FMN1: variants seen among roughly 807,000 people sequenced by gnomAD.
The protein encoded by FMN1 is formin 1, also known as formin-1.
Under a neutral mutation model 132.4 loss-of-function variants are expected in FMN1, and 110 were observed. That is an observed-to-expected ratio of 0.83 (90% CI 0.71 to 0.97). The LOEUF is 0.97. FMN1 is among the 50% of genes least tolerant of loss of function. The probability of loss-of-function intolerance (pLI) is 0.00; values close to 1 mark genes in which losing one functional copy is unlikely to be tolerated. For synonymous variants in FMN1, 722 were observed against 651.7 expected (o/e 1.11, Z -1.64); for missense variants, 1,792 against 1,705.3 (o/e 1.05, Z -0.90).
At chr15:33,141,478 T>G (rs1016422780) in intron 4 of FMN1, among the ~76,000 whole-genome samples, 1 of 152,026 alleles carries the variant, frequency 6.6e-6, no homozygotes, top group African/African-American at 2.4e-5. Context: ...CCCTGGAAAA[T>G]AGACCCTGAA....
chr15:32,896,030 A>G (rs997196415), intron 15 of FMN1, among the ~76,000 whole-genome samples: 2 of 151,988 alleles, frequency 1.3e-5, no homozygotes, highest in Non-Finnish European at 2.9e-5. Context: ...ATTTATTTCT[A>G]CATTTATCTC....
chr15:33,147,428 G>A (rs892706115), intron 4 of FMN1, among the ~76,000 whole-genome samples: 2 of 152,008 alleles, frequency 1.3e-5, no homozygotes, highest in Non-Finnish European at 2.9e-5. Flanking sequence ...TTTAATCATG[G>A]TGTTATTCTG....
chr15:33,077,113 T>A (rs2038242789), intron 5 of FMN1, among the ~76,000 whole-genome samples: 1 of 152,176 alleles, frequency 6.6e-6, no homozygotes, highest in African/African-American at 2.4e-5. Flanking sequence ...CACCACAACA[T>A]CTGCCTCCCA....
intron 6 of FMN1, among the ~76,000 whole-genome samples, chr15:33,020,171 G>C (rs963864200): frequency 6.6e-6 from 1 of 152,232 alleles, no homozygotes; most frequent in Admixed American, 6.5e-5. Context: ...GCTCAGACTT[G>C]TCACTGGCAT....
At chr15:32,814,166 A>T (rs2057979923) in intron 17 of FMN1, among the ~76,000 whole-genome samples, 1 of 152,212 alleles carries the variant, frequency 6.6e-6, no homozygotes, top group Non-Finnish European at 1.5e-5. Flanking sequence ...GAAATTCTCC[A>T]AGTTATACCA....
chr15:32,785,216 A>ATTTTTTTTTTTTTT (rs1281698107), intron 19 of FMN1, among the ~76,000 whole-genome samples: 1 of 20,112 alleles, frequency 5.0e-5, no homozygotes, highest in African/African-American at 1.4e-4. Context: ...ATATATATAT[A>ATTTTTTTTTTTTTT]TATTTTTTTT....
At chr15:33,028,874 CTCCT>C (rs770439995) in intron 6 of FMN1, among the ~76,000 whole-genome samples, 5 of 152,190 alleles carry the variant, frequency 3.3e-5, no homozygotes, top group Non-Finnish European at 4.4e-5. Context: ...TGCTCCCTCC[CTCCT>C]ATTGATCCGA....
At chr15:32,874,692 T>C (rs865838861) in intron 16 of FMN1, among the ~76,000 whole-genome samples, 3 of 152,322 alleles carry the variant, frequency 2.0e-5, no homozygotes, top group South Asian at 2.1e-4. Context: ...AAAATGGGGA[T>C]AAAACTTACC....
At chr15:32,937,153 T>G (rs1174322157) in intron 9 of FMN1, among the ~76,000 whole-genome samples, 1 of 152,232 alleles carries the variant, frequency 6.6e-6, no homozygotes, top group Non-Finnish European at 1.5e-5. Context: ...GAATGCATAC[T>G]AATTCATATC....
chr15:32,771,452 T>C lies in FMN1; in HGVS notation c.*2858A>G, dbSNP rs561170834. ...TACTTTGTGTAATTTATGTAACTTA[T>C]GATATTGTGTGCTCTGATGCTGTCA... On this transcript the variant is annotated 3_prime_UTR_variant, in exon 21 of 21. Coordinates refer to ENST00000616417, the MANE Select transcript of FMN1 (RefSeq NM_001277313.2). 3.3e-5 allele frequency: 5 copies of C among 152,348 alleles called. No homozygotes were observed. The highest frequency in any genetic ancestry group is 3.4e-3 in the Middle Eastern group (1 of 294). The allele number at this position is 152,348 out of a possible 1,614,324, so 9.4% of individuals were successfully genotyped here.
chr15:32,971,075 A>G (rs1156404405), intron 7 of FMN1, among the ~76,000 whole-genome samples: 1 of 152,322 alleles, frequency 6.6e-6, no homozygotes, highest in South Asian at 2.1e-4. Flanking sequence ...GAGTTCTATG[A>G]CCTCAGACAG....
intron 4 of FMN1, among the ~76,000 whole-genome samples, chr15:33,106,880 T>C (rs2039507994): frequency 6.6e-6 from 1 of 152,046 alleles, no homozygotes; most frequent in Non-Finnish European, 1.5e-5. Context: ...CAGAATCTTC[T>C]CTGTCTTCAT....
At chr15:32,972,079 G>A (rs542184572) in intron 7 of FMN1, among the ~76,000 whole-genome samples, 4 of 152,148 alleles carry the variant, frequency 2.6e-5, no homozygotes, top group Admixed American at 1.3e-4. Flanking sequence ...CTGACAGAGC[G>A]GATATGCCAG....
intron 7 of FMN1, among the ~76,000 whole-genome samples, chr15:32,997,661 A>G (rs1161999202): frequency 2.6e-5 from 4 of 152,194 alleles, no homozygotes; most frequent in Non-Finnish European, 1.5e-5. Context: ...GTCAAAAAGC[A>G]TGGGGTGCTC....
intron 19 of FMN1, among the ~76,000 whole-genome samples, chr15:32,779,309 T>A (rs1229461301): frequency 6.6e-6 from 1 of 152,218 alleles, no homozygotes; most frequent in Non-Finnish European, 1.5e-5. Context: ...GTGAATTTTA[T>A]GATATGTAAA....
intron 10 of FMN1, among the ~76,000 whole-genome samples, chr15:32,911,163 A>G (rs2060551983): frequency 6.6e-6 from 1 of 152,220 alleles, no homozygotes. Context: ...ATTATTTAAG[A>G]TTAATTTAGC....
chr15:33,066,650 G>T, intron 5 of FMN1: 1 of 1,613,826 alleles, frequency 6.2e-7, no homozygotes, highest in East Asian at 2.2e-5. Flanking sequence ...CTTTCTGGGG[G>T]GCCGGATGAA....
chr15:33,122,851 G>C (rs1005007316), intron 4 of FMN1, among the ~76,000 whole-genome samples: 1 of 152,160 alleles, frequency 6.6e-6, no homozygotes, highest in African/African-American at 2.4e-5. Flanking sequence ...AATAGAAAGA[G>C]ATTGACATAG....
At chr15:33,132,060 C>T (rs943841918) in intron 4 of FMN1, among the ~76,000 whole-genome samples, 3 of 152,068 alleles carry the variant, frequency 2.0e-5, no homozygotes, top group African/African-American at 7.2e-5. Context: ...ACCAGTTAGG[C>T]AAAGGATCTA....
Sources: allele counts gnomAD v4.1 joint callset (sites outside exome capture counted in the v4.1 genomes callset), GRCh38; gene constraint gnomAD v4.1.1; transcripts MANE v1.5; gene names NCBI Gene and HGNC (gene_info 2026-07-23, HGNC 2026-07-21).